The following PPDPFL variants were observed in gnomAD, a reference collection of about 807,000 sequenced individuals.
PPDPFL encodes pancreatic progenitor cell differentiation and proliferation factor like.
Under a neutral mutation model 12.6 loss-of-function variants are expected in PPDPFL, and 12 were observed. The ratio of observed to expected loss-of-function variants is 0.95; its 90% confidence interval spans 0.61 to 1.54. PPDPFL has a LOEUF of 1.54. Ranked by LOEUF, PPDPFL falls within the 40% of genes most tolerant of loss-of-function variation. The pLI, the probability that PPDPFL is intolerant of heterozygous loss-of-function variation, is 0.00. For missense variants in PPDPFL, 114 were observed against 96.0 expected, an observed-to-expected ratio of 1.19 and a Z score of -0.78; for synonymous variants, 24 against 32.7, an observed-to-expected ratio of 0.73 and a Z score of 0.91.
chr8:49,061,432 A>G (rs757719007), intron 1 of PPDPFL, among the ~76,000 whole-genome samples: 2 of 152,162 alleles, frequency 1.3e-5, no homozygotes, highest in Non-Finnish European at 2.9e-5. Flanking sequence ...TAAGTCCCCC[A>G]CAGTTGGCCG....
rs750850067 is a variant in PPDPFL, at chr8:49,074,085, TTAAC to T, written c.85_88del (p.Thr29AlafsTer8). 6 of 1,612,944 alleles carry T rather than the reference TTAAC, an allele frequency of 3.7e-6. No individual in the cohort carries two copies. Among genetic ancestry groups the T allele is most frequent in the South Asian group, 2.2e-5 (2 of 91,024 alleles). On this transcript the variant is annotated frameshift_variant, in exon 3 of 5. Coordinates refer to ENST00000522267, the MANE Select transcript of PPDPFL (RefSeq NM_001256597.2). LOFTEE classifies it high-confidence loss of function. ...GTCCAGTGTTTCTTCAGTTAGTTCT[TTAAC>T]TAGCTCTGATTCTGTTAACTTCATA... is the stretch of plus-strand genomic sequence containing the variant.
chr8:49,067,975 TA>T (rs944674028), upstream of PPDPFL, among the ~76,000 whole-genome samples: 14 of 151,714 alleles, frequency 9.2e-5, no homozygotes, highest in Non-Finnish European at 1.6e-4. Flanking sequence ...CTTGGATATT[TA>T]AAAAAAAACT....
At chr8:49,057,621 A>C (rs1327830276) in intron 1 of PPDPFL, among the ~76,000 whole-genome samples, 1 of 152,100 alleles carries the variant, frequency 6.6e-6, no homozygotes, top group East Asian at 1.9e-4. Context: ...CACTACACTC[A>C]CCAAAAGGCC....
chr8:49,055,726 C>T (rs1453031143), intron 1 of PPDPFL, among the ~76,000 whole-genome samples: 1 of 151,980 alleles, frequency 6.6e-6, no homozygotes, highest in Admixed American at 6.6e-5. Context: ...ATTTGACTGT[C>T]CAAAGTAAAA....
Position 49,072,818 on chromosome 8 carries a change from C to A in PPDPFL, c.-13C>A. On this transcript the variant is annotated 5_prime_UTR_variant, in exon 2 of 5. Coordinates refer to ENST00000522267, the MANE Select transcript of PPDPFL (RefSeq NM_001256597.2). The stretch of plus-strand genomic sequence containing the variant: ...GCTCACAGCTTCTTGGGTGCTTTCT[C>A]ACGGGTAAAGCCATGGCATCCGTAC... 6.3e-7 allele frequency: 1 copy of A among 1,595,030 alleles called. No individual in the cohort carries two copies. Among genetic ancestry groups the A allele is most frequent in the South Asian group, 1.1e-5 (1 of 87,188 alleles).
At chr8:49,067,481 A>C (rs1357416104), upstream of PPDPFL, among the ~76,000 whole-genome samples, 1 of 152,236 alleles carries the variant, frequency 6.6e-6, no homozygotes, top group Non-Finnish European at 1.5e-5. Context: ...TAAGTCTTCC[A>C]AGACAGTCAG....
chr8:49,056,049 A>G (rs779049566), intron 1 of PPDPFL, among the ~76,000 whole-genome samples: 1 of 152,152 alleles, frequency 6.6e-6, no homozygotes, highest in Non-Finnish European at 1.5e-5. Context: ...AACATCTTTT[A>G]ACCATGAAAA....
intron 1 of PPDPFL, among the ~76,000 whole-genome samples, chr8:49,057,151 AGCCTT>A (rs1808123370): frequency 6.6e-6 from 1 of 152,242 alleles, no homozygotes; most frequent in African/African-American, 2.4e-5. Context: ...AGGCTAAAAA[AGCCTT>A]GCCAATATAT....
chr8:49,063,439 G>T (rs1808245148), intron 1 of PPDPFL, among the ~76,000 whole-genome samples: 1 of 152,220 alleles, frequency 6.6e-6, no homozygotes. Context: ...TAAAGAATGA[G>T]CTGGGCGTGG....
upstream of PPDPFL, among the ~76,000 whole-genome samples, chr8:49,069,675 G>A (rs1040677228): frequency 2.6e-5 from 4 of 152,096 alleles, no homozygotes; most frequent in African/African-American, 7.2e-5. Context: ...TCATAAAGAC[G>A]CCTGTAATCT....
intron 2 of PPDPFL, 113 bp from the exon 3 acceptor site, chr8:49,073,946 C>T (rs752760005): frequency 5.7e-6 from 4 of 697,446 alleles, no homozygotes; most frequent in Non-Finnish European, 9.8e-6. Context: ...AATTCACAAG[C>T]CAGGAATAAA....
intron 1 of PPDPFL, among the ~76,000 whole-genome samples, chr8:49,067,093 T>C (rs1046536190): frequency 6.6e-6 from 1 of 152,196 alleles, no homozygotes; most frequent in African/African-American, 2.4e-5. Flanking sequence ...TACAGACAAT[T>C]CAGAGAAATA....
chr8:49,056,452 C>T (rs1472597257), intron 1 of PPDPFL, among the ~76,000 whole-genome samples: 1 of 152,102 alleles, frequency 6.6e-6, no homozygotes, highest in African/African-American at 2.4e-5. Flanking sequence ...TAGCATATTT[C>T]TTTACTGGAA....
chr8:49,067,829 T>C (rs542488905), upstream of PPDPFL, among the ~76,000 whole-genome samples: 37 of 152,294 alleles, frequency 2.4e-4, no homozygotes, highest in African/African-American at 8.9e-4. Context: ...GACAGCTCCA[T>C]TTTCCCTGCT....
At position 49,072,776 on chromosome 8, in the gene PPDPFL, C is replaced by T. The variant is rs72641627; in HGVS notation, c.-44-11C>T. The T allele has an allele frequency of 5.1e-3, 6,923 of 1,355,712 alleles. 38 individuals are homozygous for T. Among genetic ancestry groups the T allele is most frequent in the Middle Eastern group, 0.018 (99 of 5,524 alleles). The allele number at this position is 1,355,712 out of a possible 1,614,324, so 84.0% of individuals were successfully genotyped here. ...TCATATCAATGTCTCTTTTCTCTGT[C>T]GCTGTTTCAGATTAATGCTCACAGC... On this transcript the variant is annotated splice_polypyrimidine_tract_variant and intron_variant, in intron 1 of 4. Transcript: ENST00000522267.
At chr8:49,055,502 CTA>C (rs1808099166) in intron 1 of PPDPFL, among the ~76,000 whole-genome samples, 1 of 152,130 alleles carries the variant, frequency 6.6e-6, no homozygotes. Flanking sequence ...TTGCTGGTCT[CTA>C]TGTACTATAC....
intron 1 of PPDPFL, among the ~76,000 whole-genome samples, chr8:49,064,218 A>G (rs561588439): frequency 6.6e-6 from 1 of 152,218 alleles, no homozygotes; most frequent in South Asian, 2.1e-4. Flanking sequence ...CACCTTTCCC[A>G]CACATGCACC....
At chr8:49,070,214 G>A (rs1006874757), upstream of PPDPFL, among the ~76,000 whole-genome samples, 2 of 152,134 alleles carry the variant, frequency 1.3e-5, no homozygotes, top group Admixed American at 6.5e-5. Flanking sequence ...GACACATCGA[G>A]GGGCACAACA....
upstream of PPDPFL, among the ~76,000 whole-genome samples, chr8:49,067,629 C>G (rs1332035678): frequency 6.6e-6 from 1 of 152,214 alleles, no homozygotes; most frequent in Non-Finnish European, 1.5e-5. Context: ...TATCTATTTA[C>G]TACTGCATCC....
Sources: allele counts gnomAD v4.1 joint callset (sites outside exome capture counted in the v4.1 genomes callset), GRCh38; gene constraint gnomAD v4.1.1; transcripts MANE v1.5; gene names NCBI Gene and HGNC (gene_info 2026-07-23, HGNC 2026-07-21).